Variants in DNAH7 observed in about 807,000 individuals in gnomAD.
The protein encoded by DNAH7 is dynein axonemal heavy chain 7, also known as axonemal beta dynein heavy chain 7.
DNAH7 carries 397 observed loss-of-function variants against 444.6 expected under a neutral mutation model. That is an observed-to-expected ratio of 0.89 (90% confidence interval 0.82 to 0.97). The LOEUF (loss-of-function observed/expected upper bound fraction) is 0.97. Among genes scored for constraint, DNAH7 ranks in the 50% least tolerant of loss-of-function variants. The probability of loss-of-function intolerance (pLI) is 0.00; values close to 1 mark genes in which losing one functional copy is unlikely to be tolerated. For synonymous variants in DNAH7, 1,636 were observed against 1,624.4 expected (o/e 1.01, Z -0.17); for missense variants, 4,902 against 4,800.8 (o/e 1.02, Z -0.62).
chr2:195,989,759 A>G (rs1419680161), intron 12 of DNAH7, among the ~76,000 whole-genome samples: 1 of 152,048 alleles, frequency 6.6e-6, no homozygotes, highest in African/African-American at 2.4e-5. Flanking sequence ...TGGTCATTTA[A>G]AAGTGTGTGG....
chr2:195,909,682 A>C (rs1687239967), intron 25 of DNAH7, among the ~76,000 whole-genome samples: 1 of 152,196 alleles, frequency 6.6e-6, no homozygotes, highest in African/African-American at 2.4e-5. Flanking sequence ...ATAACTTCTC[A>C]ATAACAAGAT....
chr2:195,806,693 G>C, intron 54 of DNAH7, 47 bp downstream of exon 54: 1 of 1,524,538 alleles, frequency 6.6e-7, no homozygotes, highest in South Asian at 1.1e-5. Flanking sequence ...GACTGAGCAG[G>C]CATAAGGCTT....
rs773087490 is a variant in DNAH7, at chr2:195,857,550, C to T, written c.8241G>A (p.Arg2747=). ...CATATTCATGAAGTGACTGCAGAAA[C>T]CTCATGTCACCAAGAAGTCTCTTAG... is the stretch of plus-strand genomic sequence containing the variant. The part of the protein sequence containing the change: ...GPAKRLLGDM[R]FLQSLHEYDK... The change falls in exon 44 of 65, where the codon AGG becomes AGA. Residue 2747 remains arginine, a synonymous_variant. Transcript: ENST00000312428. 4 of 1,613,860 alleles carry T rather than the reference C, an allele frequency of 2.5e-6. No homozygotes were observed. The highest frequency in any genetic ancestry group is 3.4e-6 in the Non-Finnish European group (4 of 1,179,906).
chr2:196,058,428 C>T (rs1404689344), intron 1 of DNAH7, among the ~76,000 whole-genome samples: 2 of 152,158 alleles, frequency 1.3e-5, no homozygotes, highest in Admixed American at 6.5e-5. Context: ...ATGGAAGCTC[C>T]GCACCCAGGA....
intron 15 of DNAH7, among the ~76,000 whole-genome samples, chr2:195,976,694 C>T (rs185781793): frequency 6.7e-6 from 1 of 149,508 alleles, no homozygotes; most frequent in Admixed American, 6.8e-5. Flanking sequence ...GTTTGTGTCA[C>T]CCCTCCCCCA....
chr2:196,060,834 G>C (rs1698093890), intron 1 of DNAH7, among the ~76,000 whole-genome samples: 1 of 152,074 alleles, frequency 6.6e-6, no homozygotes, highest in South Asian at 2.1e-4. Flanking sequence ...TGACACAGTT[G>C]ATCACTGTCT....
chr2:195,812,894 T>A (rs576119073), intron 51 of DNAH7, among the ~76,000 whole-genome samples: 7 of 152,354 alleles, frequency 4.6e-5, no homozygotes, highest in African/African-American at 1.7e-4. Context: ...CTCTTTTTAA[T>A]TTCTGATTTG....
At chr2:195,843,317 T>C (rs1039673012) in intron 47 of DNAH7, among the ~76,000 whole-genome samples, 2 of 152,200 alleles carry the variant, frequency 1.3e-5, no homozygotes, top group African/African-American at 4.8e-5. Context: ...CACATATTTA[T>C]CATTGATTTT....
At position 196,062,746 on chromosome 2, in the gene DNAH7, T is replaced by C. The variant is rs557085242; in HGVS notation, c.16-4630A>G. Among the ~76,000 whole-genome samples, 210 of 152,362 alleles carry C rather than the reference T, an allele frequency of 1.4e-3. 1 individual carries two copies. The highest frequency in any genetic ancestry group is 1.3e-3 in the Non-Finnish European group (89 of 68,032). On this transcript the variant is annotated intron_variant, in intron 1 of 64. Coordinates refer to ENST00000312428, the MANE Select transcript of DNAH7 (RefSeq NM_018897.3). ...GACAGTGCTTTTCTGATAATCCTCC[T>C]TCTTCCTTGAATTAGCAATGCCTCC...
chr2:195,750,673 T>G (rs556682554), intron 63 of DNAH7, among the ~76,000 whole-genome samples: 1 of 152,308 alleles, frequency 6.6e-6, no homozygotes, highest in East Asian at 1.9e-4. Flanking sequence ...TTCAGCAAGT[T>G]ACTTAACCCC....
chr2:195,801,819 G>C (rs1696474022), intron 54 of DNAH7, among the ~76,000 whole-genome samples: 1 of 152,204 alleles, frequency 6.6e-6, no homozygotes, highest in Non-Finnish European at 1.5e-5. Flanking sequence ...GTGTGACTGA[G>C]AGACTGAGTG....
intron 21 of DNAH7, among the ~76,000 whole-genome samples, chr2:195,934,346 C>A (rs1194171044): frequency 6.6e-6 from 1 of 152,116 alleles, no homozygotes; most frequent in Non-Finnish European, 1.5e-5. Flanking sequence ...AAGAAATGAG[C>A]AGATGCATTA....
At chr2:195,778,707 C>T (rs571847367) in intron 58 of DNAH7, among the ~76,000 whole-genome samples, 17 of 63,812 alleles carry the variant, frequency 2.7e-4, no homozygotes, top group African/African-American at 8.2e-4. Context: ...TATATATACA[C>T]ATATATATAC....
rs771642889 is a variant in DNAH7, at chr2:196,001,676, G to A, written c.1172C>T (p.Pro391Leu). ...ATTGGTGAACTGAACCATACTTACT[G>A]GGGGTTGTGCAATTAAGTCCGTGAA... ...QDFTDLIAQPPDSVRAFEHPG... is the reference protein window; with the variant it reads ...QDFTDLIAQPLDSVRAFEHPG... The change falls in exon 11 of 65, where the codon CCA becomes CTA. Residue 391 changes from proline (P) to leucine (L), a missense_variant and splice_region_variant. By Grantham distance (98) the Pro-to-Leu change is moderately conservative. Transcript: ENST00000312428. 5.2e-6 allele frequency: 8 copies of A among 1,549,262 alleles called. No homozygotes were observed. The highest frequency in any genetic ancestry group is 6.1e-6 in the Non-Finnish European group (7 of 1,148,400).
intron 43 of DNAH7, 83 bp downstream of exon 43, chr2:195,858,391 C>G (rs1699834187): frequency 4.3e-6 from 5 of 1,155,272 alleles, no homozygotes; most frequent in Non-Finnish European, 5.8e-6. Context: ...TTCGGAGAGA[C>G]AAACTAGACT....
rs778418904 is a variant in DNAH7 at position 195,834,211 on chromosome 2, G to A, written c.9095C>T (p.Thr3032Ile). ...RTLENCIQFG[T>I]PVLLENVGEE... ...TTAGTTATTCAACTACATACCAGGA[G>A]TACCAAACTGGATGCAATTTTCCAG... The change falls in exon 48 of 65, where the codon ACT becomes ATT. Residue 3032 changes from threonine (T) to isoleucine (I), a missense_variant. Thr to Ile is a moderately conservative substitution (Grantham distance 89). Transcript: ENST00000312428. The A allele has an allele frequency of 2.5e-5, 40 of 1,605,018 alleles. No individual in the cohort carries two copies. The South Asian group carries it at 4.2e-4, about 17-fold the overall frequency.
chr2:195,961,717 C>T (rs1332416208), intron 17 of DNAH7, among the ~76,000 whole-genome samples: 1 of 152,086 alleles, frequency 6.6e-6, no homozygotes, highest in Non-Finnish European at 1.5e-5. Context: ...TCTGTCTAGA[C>T]ACATTGAGGA....
In DNAH7 at chr2:195,872,265, A is replaced by T. The variant is rs1198721938; in HGVS notation, c.6618T>A (p.Arg2206=). The T allele has an allele frequency of 6.2e-7, 1 of 1,612,550 alleles. No homozygotes were observed. Among genetic ancestry groups the T allele is most frequent in the Admixed American group, 1.7e-5 (1 of 59,952 alleles). ...ETTETTEVIK[R]LWVHEVLRVY... ...GAAAATTTACCTCATGAACCCAAAG[A>T]CGTTTAATCACTTCTGTGGTTTCTG... Residue 2206 remains arginine, a synonymous_variant, in exon 40 of 65, where the codon CGT becomes CGA. Transcript: ENST00000312428.
At chr2:195,746,174 C>CA (rs1332449559) in intron 63 of DNAH7, among the ~76,000 whole-genome samples, 2 of 151,224 alleles carry the variant, frequency 1.3e-5, no homozygotes, top group African/African-American at 4.9e-5. Context: ...AAATGGAAAA[C>CA]AAAAAAAGGC....
Sources: allele counts gnomAD v4.1 joint callset (sites outside exome capture counted in the v4.1 genomes callset), GRCh38; gene constraint gnomAD v4.1.1; transcripts MANE v1.5; gene names NCBI Gene and HGNC (gene_info 2026-07-23, HGNC 2026-07-21).